Variants in ZNF385B observed in about 807,000 individuals in gnomAD.
ZNF385B encodes the protein zinc finger protein 533.
ZNF385B carries 23 observed loss-of-function variants against 39.2 expected under a neutral mutation model. That is an observed-to-expected ratio of 0.59 (90% CI 0.42 to 0.83). ZNF385B has a LOEUF of 0.83. ZNF385B is among the 40% of genes least tolerant of loss of function. ZNF385B has a pLI of 0.00. For missense variants in ZNF385B, 552 were observed against 598.9 expected (o/e 0.92, Z 0.82); for synonymous variants, 205 against 222.6 (o/e 0.92, Z 0.70).
At chr2:179,829,022 G>A (rs1426017054) in intron 1 of ZNF385B, among the ~76,000 whole-genome samples, 3 of 149,552 alleles carry the variant, frequency 2.0e-5, no homozygotes, top group Admixed American at 6.6e-5. Flanking sequence ...AGGATGGGAT[G>A]GATTAAAAAA....
chr2:179,747,523 CCT>C (rs1351475833), intron 3 of ZNF385B, among the ~76,000 whole-genome samples: 1 of 152,084 alleles, frequency 6.6e-6, no homozygotes, highest in African/African-American at 2.4e-5. Flanking sequence ...TCTCTTCTGT[CCT>C]CTCTGCCTCA....
In ZNF385B at chr2:179,446,614, G is replaced by A. The variant is rs1209439769; in HGVS notation, c.872C>T (p.Ser291Leu). Residue 291 changes from serine to leucine, a missense_variant, in exon 7 of 10, where the codon TCA becomes TTA. Transcript: ENST00000410066. Reference sequence around the variant, plus strand: ...TAATTTTTTGGCTTTTTCTTCTTCTGATTCAACAACAGTACCGGGAGCTCC... The same window carrying A: ...TAATTTTTTGGCTTTTTCTTCTTCTAATTCAACAACAGTACCGGGAGCTCC... The part of the protein sequence containing the change: ...TNGAPGTVVE[S>L]EEEKAKKLLY... 1 of 1,614,014 alleles carries A rather than the reference G, an allele frequency of 6.2e-7. No individual in the cohort carries two copies. The highest frequency in any genetic ancestry group is 2.2e-5 in the East Asian group (1 of 44,856).
intron 3 of ZNF385B, among the ~76,000 whole-genome samples, chr2:179,675,932 C>T (rs541898467): frequency 4.0e-5 from 6 of 151,726 alleles, no homozygotes; most frequent in Admixed American, 6.6e-5. Context: ...GGGTTACAGG[C>T]GCCCACCACC....
intron 3 of ZNF385B, among the ~76,000 whole-genome samples, chr2:179,767,583 C>T (rs1703778026): frequency 6.6e-6 from 1 of 152,026 alleles, no homozygotes; most frequent in Non-Finnish European, 1.5e-5. Context: ...GCAGGAAACA[C>T]AAATTTGATA....
chr2:179,471,544 C>G (rs2052771797), intron 6 of ZNF385B, among the ~76,000 whole-genome samples: 1 of 152,154 alleles, frequency 6.6e-6, no homozygotes, highest in African/African-American at 2.4e-5. Flanking sequence ...GTACCTGTAA[C>G]TTTGTCACCA....
intron 3 of ZNF385B, among the ~76,000 whole-genome samples, chr2:179,763,007 C>T (rs958761252): frequency 7.9e-5 from 12 of 152,276 alleles, no homozygotes; most frequent in East Asian, 3.9e-4. Flanking sequence ...TGGGTTCCAG[C>T]GATTCTCCTG....
chr2:179,546,137 G>A (rs1242571714), intron 3 of ZNF385B, among the ~76,000 whole-genome samples: 2 of 152,042 alleles, frequency 1.3e-5, no homozygotes, highest in Admixed American at 6.6e-5. Context: ...CTGGGCTCTG[G>A]TGAGCCCCCA....
chr2:179,513,673 C>G (rs1277561920), intron 5 of ZNF385B, among the ~76,000 whole-genome samples: 2 of 152,166 alleles, frequency 1.3e-5, no homozygotes, highest in Non-Finnish European at 2.9e-5. Context: ...ATGTTTATAT[C>G]CTATCCTCCT....
chr2:179,510,809 GAAGA>G (rs2057624280), intron 5 of ZNF385B, among the ~76,000 whole-genome samples: 1 of 152,116 alleles, frequency 6.6e-6, no homozygotes, highest in Non-Finnish European at 1.5e-5. Context: ...ATTGAGTAGA[GAAGA>G]AAGGAAGAAG....
intron 6 of ZNF385B, among the ~76,000 whole-genome samples, chr2:179,473,781 G>C (rs1413868502): frequency 6.6e-6 from 1 of 152,072 alleles, no homozygotes. Context: ...TGCGGTGTTT[G>C]GTTTTCTGTT....
intron 3 of ZNF385B, among the ~76,000 whole-genome samples, chr2:179,666,727 T>C (rs1181802328): frequency 2.0e-5 from 3 of 152,154 alleles, no homozygotes; most frequent in African/African-American, 7.2e-5. Flanking sequence ...CAGGCCCTGC[T>C]CTGAGTGCTG....
chr2:179,753,055 T>C (rs1008349199), intron 3 of ZNF385B, among the ~76,000 whole-genome samples: 6 of 152,262 alleles, frequency 3.9e-5, no homozygotes, highest in Admixed American at 1.3e-4. Flanking sequence ...TCTAGGGTTT[T>C]TATGGTTTTA....
At chr2:179,623,757 G>T (rs951736434) in intron 3 of ZNF385B, among the ~76,000 whole-genome samples, 1 of 152,118 alleles carries the variant, frequency 6.6e-6, no homozygotes, top group South Asian at 2.1e-4. Context: ...ACCTGGTTCT[G>T]CAGGCTTCTA....
At chr2:179,470,573 G>T (rs2052641108) in intron 6 of ZNF385B, among the ~76,000 whole-genome samples, 1 of 152,126 alleles carries the variant, frequency 6.6e-6, no homozygotes. Context: ...TGAAAGGTGA[G>T]AATTTCTTAC....
chr2:179,672,887 C>T (rs1399959386), intron 3 of ZNF385B, among the ~76,000 whole-genome samples: 1 of 152,094 alleles, frequency 6.6e-6, no homozygotes, highest in Non-Finnish European at 1.5e-5. Context: ...CAGCTGAGGG[C>T]ATTCCAATGT....
intron 5 of ZNF385B, among the ~76,000 whole-genome samples, chr2:179,487,822 C>G (rs2054755092): frequency 6.6e-6 from 1 of 152,178 alleles, no homozygotes; most frequent in Non-Finnish European, 1.5e-5. Context: ...AAGAGTCGCC[C>G]AAACCACTAC....
At chr2:179,846,278 A>AC (rs1273760214) in intron 1 of ZNF385B, among the ~76,000 whole-genome samples, 1 of 152,226 alleles carries the variant, frequency 6.6e-6, no homozygotes, top group Non-Finnish European at 1.5e-5. Context: ...CATTTTAGAA[A>AC]CACAGGTACA....
chr2:179,686,613 G>A (rs1320528799), intron 3 of ZNF385B, among the ~76,000 whole-genome samples: 1 of 152,072 alleles, frequency 6.6e-6, no homozygotes, highest in East Asian at 1.9e-4. Context: ...CGGCAGTTAG[G>A]ACAATGTTTT....
chr2:179,444,738 C>A, intron 9 of ZNF385B, 138 bp downstream of exon 9: 1 of 735,656 alleles, frequency 1.4e-6, no homozygotes, highest in Non-Finnish European at 2.4e-6. Flanking sequence ...GCAGTTCATT[C>A]TAAAACTTCT....
Sources: gnomAD v4.1 joint callset for allele counts (sites outside exome capture counted in the v4.1 genomes callset) on GRCh38, gnomAD v4.1.1 for gene constraint, MANE v1.5 for transcripts, NCBI Gene and HGNC (gene_info 2026-07-23, HGNC 2026-07-21) for gene names.